The following CEP97 variants were observed in gnomAD, a reference collection of about 807,000 sequenced individuals.
The protein encoded by CEP97 is centrosomal protein 97, also known as centrosomal protein of 97 kDa.
In CEP97, 43 loss-of-function variants were observed where a neutral mutation model predicts 73.1. That is an observed-to-expected ratio of 0.59 (90% confidence interval 0.46 to 0.76). CEP97 has a LOEUF of 0.76. Among genes scored for constraint, CEP97 ranks in the 30% least tolerant of loss-of-function variants. The pLI is 0.00. For synonymous variants in CEP97, 337 were observed against 370.0 expected, an observed-to-expected ratio of 0.91 and a Z score of 1.02; for missense variants, 939 against 1,014.0, an observed-to-expected ratio of 0.93 and a Z score of 1.00.
In CEP97 at chr3:101,769,753, C is replaced by T. The variant is rs1330019027; in HGVS notation, c.*4202C>T. On this transcript the variant is annotated 3_prime_UTR_variant, in exon 11 of 11. Transcript: ENST00000341893. ...TTAAATGTTAAATATATGATACCCT[C>T]ATTCATGAAGTGAAGCAGAAAGGGT... 2 of 152,202 alleles carry T rather than the reference C, an allele frequency of 1.3e-5. No homozygotes were observed. The highest frequency in any genetic ancestry group is 2.9e-5 in the Non-Finnish European group (2 of 68,030). The allele number at this position is 152,202 out of a possible 1,614,324, so 9.4% of individuals were successfully genotyped here. A position where few individuals can be genotyped will look rare whatever the true frequency, so the allele number is the denominator to read the frequency against.
intron 6 of CEP97, among the ~76,000 whole-genome samples, chr3:101,747,356 T>C (rs1347799990): frequency 2.0e-5 from 3 of 150,930 alleles, no homozygotes; most frequent in African/African-American, 7.3e-5. Context: ...GCCTCCCGTA[T>C]TCTGGCCATT....
At chr3:101,727,228 T>C (rs1303768408) in intron 2 of CEP97, among the ~76,000 whole-genome samples, 155 bp from the exon 3 acceptor site, 1 of 152,254 alleles carries the variant, frequency 6.6e-6, no homozygotes, top group African/African-American at 2.4e-5. Context: ...AAACTGATAG[T>C]CATACTGTAG....
At position 101,724,718 on chromosome 3, in the gene CEP97, A is replaced by AG; in HGVS notation, c.43+1dup. On this transcript the variant is annotated frameshift_variant and splice_region_variant, in exon 1 of 11. Transcript: ENST00000341893. LOFTEE classifies it high-confidence loss of function. ...TGGACGCGGCTTTGCCTCCCGGAGAAGGTAAGGCGATCCCTACCCCGAGTC... is the reference window on the plus strand; with the variant it reads ...TGGACGCGGCTTTGCCTCCCGGAGAAGGGTAAGGCGATCCCTACCCCGAGTC... 6.2e-7 allele frequency: 1 copy of AG among 1,614,240 alleles called. No homozygotes were observed. The highest frequency in any genetic ancestry group is 8.5e-7 in the Non-Finnish European group (1 of 1,180,022).
At chr3:101,743,774 C>T (rs762679471) in intron 6 of CEP97, among the ~76,000 whole-genome samples, 3 of 151,808 alleles carry the variant, frequency 2.0e-5, no homozygotes, top group South Asian at 2.1e-4. Context: ...GAGGCCAAGG[C>T]GGGAGGATCA....
chr3:101,742,207 C>T (rs1938481252), intron 6 of CEP97, among the ~76,000 whole-genome samples: 1 of 152,074 alleles, frequency 6.6e-6, no homozygotes, highest in African/African-American at 2.4e-5. Context: ...ACCAGAAATA[C>T]CATCTGACTC....
At chr3:101,731,787 C>A in intron 4 of CEP97, 53 bp from the exon 5 acceptor site, 1 of 1,020,716 alleles carries the variant, frequency 9.8e-7, no homozygotes, top group South Asian at 1.3e-5. Flanking sequence ...TCACAATAGG[C>A]CAATTTATTT....
chr3:101,762,939 G>A (rs1939210636), intron 10 of CEP97, among the ~76,000 whole-genome samples: 1 of 152,134 alleles, frequency 6.6e-6, no homozygotes, highest in African/African-American at 2.4e-5. Flanking sequence ...CAATATGCAT[G>A]TCCTAAAAAG....
intron 6 of CEP97, among the ~76,000 whole-genome samples, chr3:101,753,248 T>G (rs1462365685): frequency 2.0e-5 from 3 of 152,212 alleles, no homozygotes; most frequent in Non-Finnish European, 4.4e-5. Context: ...TGATTGTTCC[T>G]CTGGAAGTTT....
chr3:101,730,955 A>ATTTT (rs531615738), intron 4 of CEP97, among the ~76,000 whole-genome samples: 130 of 139,546 alleles, frequency 9.3e-4, no homozygotes, highest in Middle Eastern at 3.6e-3. Flanking sequence ...AGATGATTGA[A>ATTTT]TTTTTTTTTT....
At chr3:101,726,517 T>C in intron 1 of CEP97, 77 bp from the exon 2 acceptor site, 2 of 1,072,326 alleles carry the variant, frequency 1.9e-6, no homozygotes, top group South Asian at 1.9e-5. Flanking sequence ...AGAGATTTTA[T>C]AATTCCAGCC....
chr3:101,745,708 A>T (rs1403205904), intron 6 of CEP97, among the ~76,000 whole-genome samples: 1 of 151,702 alleles, frequency 6.6e-6, no homozygotes, highest in Non-Finnish European at 1.5e-5. Flanking sequence ...TTTTGTTGGA[A>T]TATTTTATTT....
intron 7 of CEP97, 26 bp downstream of exon 7, chr3:101,755,620 G>A (rs1938983952): frequency 1.2e-6 from 2 of 1,609,268 alleles, no homozygotes; most frequent in African/African-American, 1.3e-5. Flanking sequence ...TCTAACAACT[G>A]ATGAATTCAC....
At chr3:101,749,164 T>C (rs979684475) in intron 6 of CEP97, among the ~76,000 whole-genome samples, 2 of 109,652 alleles carry the variant, frequency 1.8e-5, no homozygotes, top group African/African-American at 7.2e-5. Context: ...CCCACAACAG[T>C]CCCCAGAGTG....
At position 101,764,816 on chromosome 3, in the gene CEP97, T is replaced by C. The variant is rs147501266; in HGVS notation, c.1894-31T>C. 6.4e-5 allele frequency: 98 copies of C among 1,537,328 alleles called. 1 individual carries two copies. The African/African-American group carries it at 1.2e-3, about 19-fold the overall frequency. On this transcript the variant is annotated intron_variant, in intron 10 of 10. Coordinates refer to ENST00000341893, the MANE Select transcript of CEP97 (RefSeq NM_024548.4). ...ACAAACAAAAACAACACTTTTTATT[T>C]TATAATACAACTGTATTCTCTGGTT... is the stretch of plus-strand genomic sequence containing the variant.
At chr3:101,751,373 A>T (rs1938813653) in intron 6 of CEP97, among the ~76,000 whole-genome samples, 1 of 152,182 alleles carries the variant, frequency 6.6e-6, no homozygotes, top group Non-Finnish European at 1.5e-5. Context: ...GTGGTGCTGA[A>T]AAAAATGTAT....
chr3:101,745,849 C>T (rs1167945124), intron 6 of CEP97, among the ~76,000 whole-genome samples: 1 of 151,966 alleles, frequency 6.6e-6, no homozygotes, highest in Non-Finnish European at 1.5e-5. Context: ...TGGTGTGCTA[C>T]ACCCACTAAC....
In CEP97 at chr3:101,757,049, T is replaced by C; in HGVS notation, c.894-14T>C. The C allele has an allele frequency of 6.3e-7, 1 of 1,596,428 alleles. No individual in the cohort carries two copies. The highest frequency in any genetic ancestry group is 8.5e-7 in the Non-Finnish European group (1 of 1,174,856). On this transcript the variant is annotated splice_polypyrimidine_tract_variant and intron_variant, in intron 7 of 10. Coordinates refer to ENST00000341893, the MANE Select transcript of CEP97 (RefSeq NM_024548.4). ...GGTTTGTGTTAAATTAGACCAGGTA[T>C]TATTGATTTTTAGGTTTCACCAGAG... is the stretch of plus-strand genomic sequence containing the variant.
At chr3:101,748,268 T>A (rs191549792) in intron 6 of CEP97, among the ~76,000 whole-genome samples, 1 of 151,814 alleles carries the variant, frequency 6.6e-6, no homozygotes, top group Admixed American at 6.6e-5. Flanking sequence ...TTTAATATAA[T>A]TTGTGTAGGG....
Position 101,762,490 on chromosome 3 carries a change from G to A in CEP97, c.1823G>A (p.Arg608Gln), listed in dbSNP as rs1226134242. 7.5e-6 allele frequency: 12 copies of A among 1,601,708 alleles called. No individual in the cohort carries two copies. The highest frequency in any genetic ancestry group is 1.7e-4 in the Middle Eastern group (1 of 5,998). ...TGTGTTTTGAATTATTGTAGATTACGAAAAGAAAGAGATGAAGAACGTATT... is the reference window on the plus strand; with the variant it reads ...TGTGTTTTGAATTATTGTAGATTACAAAAAGAAAGAGATGAAGAACGTATT... ...VCLTDEIRRL[R>Q]KERDEERIKK... The change falls in exon 10 of 11, where the codon CGA (arginine) becomes CAA (glutamine). Residue 608 changes from arginine to glutamine, a missense_variant. Arg to Gln is a conservative substitution (Grantham distance 43). Transcript: ENST00000341893.
Sources: allele counts gnomAD v4.1 joint callset (sites outside exome capture counted in the v4.1 genomes callset), GRCh38; gene constraint gnomAD v4.1.1; transcripts MANE v1.5; gene names NCBI Gene and HGNC (gene_info 2026-07-23, HGNC 2026-07-21).